Variants in NAV2 observed in about 807,000 individuals in gnomAD.
The protein encoded by NAV2 is neuron navigator 2.
NAV2 carries 54 observed loss-of-function variants against 223.2 expected under a neutral mutation model. The ratio of observed to expected loss-of-function variants is 0.24; its 90% CI spans 0.19 to 0.30. The LOEUF is 0.30. Among genes scored for constraint, NAV2 ranks in the 10% least tolerant of loss-of-function variants. The probability of loss-of-function intolerance (pLI) is 1.00; values close to 1 mark genes in which losing one functional copy is unlikely to be tolerated. For missense variants in NAV2, 2,806 were observed against 3,147.5 expected (o/e 0.89, Z 2.60); for synonymous variants, 1,279 against 1,239.3 (o/e 1.03, Z -0.67).
Position 20,048,817 on chromosome 11 carries a change from C to T in NAV2, c.3992C>T (p.Thr1331Ile). 6.2e-7 allele frequency: 1 copy of T among 1,614,182 alleles called. No homozygotes were observed. Among genetic ancestry groups the T allele is most frequent in the Non-Finnish European group, 8.5e-7 (1 of 1,180,026 alleles). ...NSVVISNPHA[T>I]MTQQGNLDSP... ...GTGGTCATCTCCAATCCTCATGCCACCATGACTCAGCAAGGTAACCTAGAC... is the reference window on the plus strand; with the variant it reads ...GTGGTCATCTCCAATCCTCATGCCATCATGACTCAGCAAGGTAACCTAGAC... Residue 1331 changes from threonine to isoleucine, a missense_variant, in exon 15 of 38, where the codon ACC becomes ATC. By Grantham distance (89) the Thr-to-Ile change is moderately conservative. Transcript: ENST00000349880.
At chr11:20,066,317 A>G (rs1423315887) in intron 20 of NAV2, among the ~76,000 whole-genome samples, 1 of 152,240 alleles carries the variant, frequency 6.6e-6, no homozygotes, top group African/African-American at 2.4e-5. Flanking sequence ...GGACAGACAA[A>G]GACAAATGAA....
intron 11 of NAV2, among the ~76,000 whole-genome samples, chr11:20,013,182 GA>G (rs1180269359): frequency 1.4e-5 from 2 of 142,284 alleles, no homozygotes; most frequent in African/African-American, 5.3e-5. Flanking sequence ...ATCTGTATAT[GA>G]GAGATAATAA....
Position 19,948,719 on chromosome 11 carries a change from G to A in NAV2, c.2284G>A (p.Val762Ile). The change falls in exon 10 of 38, where the codon GTC (valine) becomes ATC (isoleucine). Residue 762 changes from valine (V) to isoleucine (I), a missense_variant. Val to Ile is a conservative substitution (Grantham distance 29, BLOSUM62 3). Transcript: ENST00000349880. ...STLETTFDTN[V>I]TTEMSGRSIL... Reference sequence around the variant, plus strand: ...ATTGGAAACCACGTTTGACACCAATGTCACCACGGAGATGAGTGGCCGTAG... The same window carrying A: ...ATTGGAAACCACGTTTGACACCAATATCACCACGGAGATGAGTGGCCGTAG... 2 of 1,592,616 alleles carry A rather than the reference G, an allele frequency of 1.3e-6. No homozygotes were observed. The highest frequency in any genetic ancestry group is 1.1e-5 in the South Asian group (1 of 89,630).
At position 19,690,876 on chromosome 11, in the gene NAV2, G is replaced by A. The variant is rs2049153158; in HGVS notation, c.76-141608G>A. 6.6e-5 allele frequency among the ~76,000 whole-genome samples: 10 copies of A among 152,210 alleles called. No homozygotes were observed. In the South Asian group the frequency reaches 2.1e-3, roughly 32 times the overall value. ...AGTCACACAGCAATTTCAAGGCAGA[G>A]CCAGAAGTAGAACCCAGATCCCCGA... is the stretch of plus-strand genomic sequence containing the variant. On this transcript the variant is annotated intron_variant, in intron 1 of 37. Coordinates refer to the NAV2 transcript ENST00000360655.
chr11:19,347,358 T>C (rs1853064501), upstream of NAV2, among the ~76,000 whole-genome samples: 1 of 152,208 alleles, frequency 6.6e-6, no homozygotes, highest in South Asian at 2.1e-4. Context: ...GGAAGCTTTT[T>C]CCTGTACCAT....
At position 19,769,691 on chromosome 11, in the gene NAV2, G is replaced by A. The variant is rs79577982; in HGVS notation, c.267+55729G>A. On this transcript the variant is annotated intron_variant, in intron 1 of 37. Coordinates refer to ENST00000349880, the MANE Select transcript of NAV2 (RefSeq NM_145117.5). Reference sequence around the variant, plus strand: ...AGGATTAAGATCCCTAACAAAAATGGAGTTAGTTTACCTACTGTTTTTGTT... The same window carrying A: ...AGGATTAAGATCCCTAACAAAAATGAAGTTAGTTTACCTACTGTTTTTGTT... Among the ~76,000 whole-genome samples, 775 of 152,274 alleles carry A rather than the reference G, an allele frequency of 5.1e-3. 5 individuals carry two copies. The highest frequency in any genetic ancestry group is 0.017 in the African/African-American group (717 of 41,564).
intron 1 of NAV2, among the ~76,000 whole-genome samples, chr11:19,354,916 T>C (rs1001445279): frequency 2.4e-4 from 36 of 152,188 alleles, no homozygotes; most frequent in Admixed American, 6.5e-5. Flanking sequence ...TCCCTATTCC[T>C]TTGAAGACTT....
chr11:19,759,489 G>A (rs1023537598), intron 1 of NAV2, among the ~76,000 whole-genome samples: 4 of 152,072 alleles, frequency 2.6e-5, no homozygotes, highest in Non-Finnish European at 4.4e-5. Context: ...AAAAATAGTC[G>A]GTGAAAGTCT....
At chr11:19,742,930 T>C (rs543460163) in intron 1 of NAV2, among the ~76,000 whole-genome samples, 4 of 152,338 alleles carry the variant, frequency 2.6e-5, no homozygotes, top group African/African-American at 7.2e-5. Flanking sequence ...TGGAGACTTC[T>C]GTAGTGTCTT....
intron 3 of NAV2, among the ~76,000 whole-genome samples, chr11:19,846,523 A>G (rs1287857342): frequency 6.6e-6 from 1 of 152,212 alleles, no homozygotes; most frequent in African/African-American, 2.4e-5. Flanking sequence ...TGTGGACAGA[A>G]GTTCAGCCAT....
Position 19,356,819 on chromosome 11 carries a change from G to C in NAV2, c.75+5792G>C, listed in dbSNP as rs1464214989. Among the ~76,000 whole-genome samples, 6 of 152,246 alleles carry C rather than the reference G, an allele frequency of 3.9e-5. 1 individual carries two copies. The highest frequency in any genetic ancestry group is 3.9e-4 in the Admixed American group (6 of 15,280). ...TCTTCAATCAGCAGAAATGAATGCT[G>C]ATATTTTTTATTTTGGCTTAATTTT... On this transcript the variant is annotated intron_variant, in intron 1 of 37. Coordinates refer to the NAV2 transcript ENST00000360655.
At chr11:19,995,112 G>A (rs2051742454) in intron 11 of NAV2, among the ~76,000 whole-genome samples, 1 of 152,208 alleles carries the variant, frequency 6.6e-6, no homozygotes, top group Admixed American at 6.5e-5. Context: ...TCTGCCACTA[G>A]TGAATTACCT....
chr11:19,835,396 T>C (rs2060175245), intron 2 of NAV2, among the ~76,000 whole-genome samples: 1 of 152,208 alleles, frequency 6.6e-6, no homozygotes, highest in East Asian at 1.9e-4. Flanking sequence ...CTCTGCTCTG[T>C]ATGTAGAGAA....
At chr11:19,433,042 T>A (rs549010638) in intron 1 of NAV2, among the ~76,000 whole-genome samples, 1 of 152,118 alleles carries the variant, frequency 6.6e-6, no homozygotes, top group Admixed American at 6.5e-5. Context: ...CAAGCTGGAG[T>A]ATGTTCTGAG....
At chr11:19,628,055 T>C (rs889953258) in intron 1 of NAV2, among the ~76,000 whole-genome samples, 6 of 152,172 alleles carry the variant, frequency 3.9e-5, no homozygotes, top group Non-Finnish European at 8.8e-5. Flanking sequence ...CAATAGATGA[T>C]GGCTACTTTA....
chr11:19,953,998 C>T (rs2047617475), intron 10 of NAV2, among the ~76,000 whole-genome samples: 1 of 152,160 alleles, frequency 6.6e-6, no homozygotes, highest in Non-Finnish European at 1.5e-5. Context: ...ATTCTTGATG[C>T]CTACTCTGGC....
intron 10 of NAV2, among the ~76,000 whole-genome samples, chr11:19,964,512 G>A (rs11025347): frequency 7.6e-6 from 1 of 131,276 alleles, no homozygotes; most frequent in Non-Finnish European, 1.5e-5. Flanking sequence ...TTTTTTATGA[G>A]ACAGGAGCTT....
At chr11:19,906,414 A>G (rs550175057) in intron 6 of NAV2, among the ~76,000 whole-genome samples, 9 of 152,322 alleles carry the variant, frequency 5.9e-5, no homozygotes, top group South Asian at 2.1e-4. Context: ...CAAAGCGTAC[A>G]TGGCACAGAG....
rs1221334182 is a variant in NAV2, at chr11:19,977,798, C to CTTTTTTTTTTT, written c.2646-6314_2646-6304dup. 7.7e-5 allele frequency among the ~76,000 whole-genome samples: 7 copies of CTTTTTTTTTTT among 90,782 alleles called. 1 individual carries two copies. Among genetic ancestry groups the CTTTTTTTTTTT allele is most frequent in the African/African-American group, 1.3e-4 (3 of 23,994 alleles). 59.6% of individuals were successfully genotyped at this position (90,782 alleles called of 152,430 possible). ...TCTTTTCAGAGAGGTCAACTTTTTT[C>CTTTTTTTTTTT]TTTTTTTTTTTTTTTTTTTTTTTGA... On this transcript the variant is annotated intron_variant, in intron 10 of 37. Coordinates refer to ENST00000349880, the MANE Select transcript of NAV2 (RefSeq NM_145117.5).
Sources: gnomAD v4.1 joint callset for allele counts (sites outside exome capture counted in the v4.1 genomes callset) on GRCh38, gnomAD v4.1.1 for gene constraint, MANE v1.5 for transcripts, NCBI Gene and HGNC (gene_info 2026-07-23, HGNC 2026-07-21) for gene names.